The following SLIT3 variants were observed in gnomAD, a reference collection of about 807,000 sequenced individuals.
SLIT3 encodes slit guidance ligand 3, also known as slit homolog 3 protein.
SLIT3 carries 68 observed loss-of-function variants against 184.0 expected under a neutral mutation model. That is an observed-to-expected ratio of 0.37 (90% CI 0.30 to 0.45). The LOEUF (loss-of-function observed/expected upper bound fraction) is 0.45, where lower values mean the gene tolerates loss of function less well. Among genes scored for constraint, SLIT3 ranks in the 20% least tolerant of loss-of-function variants. The probability of loss-of-function intolerance (pLI) is 1.00; values close to 1 mark genes in which losing one functional copy is unlikely to be tolerated. For missense variants in SLIT3, 1,707 were observed against 2,026.0 expected, an observed-to-expected ratio of 0.84 and a Z score of 3.02; for synonymous variants, 831 against 828.6, an observed-to-expected ratio of 1.00 and a Z score of -0.05.
At chr5:168,843,583 A>T (rs1169403723) in intron 6 of SLIT3, among the ~76,000 whole-genome samples, 1 of 152,184 alleles carries the variant, frequency 6.6e-6, no homozygotes, top group Non-Finnish European at 1.5e-5. Flanking sequence ...TTTACAAATG[A>T]GGAAACTGAG....
intron 23 of SLIT3, among the ~76,000 whole-genome samples, chr5:168,716,791 G>A (rs1649085135): frequency 6.6e-6 from 1 of 151,444 alleles, no homozygotes. Flanking sequence ...GCTCCCTCCA[G>A]TCTGAAATGG....
chr5:168,739,687 C>T (rs1464666344), intron 20 of SLIT3, among the ~76,000 whole-genome samples: 1 of 152,110 alleles, frequency 6.6e-6, no homozygotes, highest in African/African-American at 2.4e-5. Flanking sequence ...CTCAGCTGAT[C>T]CACCCACCTC....
intron 20 of SLIT3, among the ~76,000 whole-genome samples, chr5:168,738,212 A>T (rs1165314361): frequency 6.6e-6 from 1 of 152,208 alleles, no homozygotes; most frequent in Non-Finnish European, 1.5e-5. Context: ...CCCTGTGTTG[A>T]CATTTGCACT....
At chr5:168,945,675 A>G (rs771419934) in intron 4 of SLIT3, among the ~76,000 whole-genome samples, 19 of 152,234 alleles carry the variant, frequency 1.2e-4, no homozygotes, top group Non-Finnish European at 2.1e-4. Flanking sequence ...TATTCCAAAT[A>G]TATCAACACT....
intron 4 of SLIT3, among the ~76,000 whole-genome samples, chr5:168,918,965 T>A (rs1441189578): frequency 6.6e-6 from 1 of 152,174 alleles, no homozygotes; most frequent in Admixed American, 6.5e-5. Context: ...CTTCTGGAGA[T>A]TTTATCCTAT....
chr5:169,172,201 G>C (rs1274343759), intron 4 of SLIT3, among the ~76,000 whole-genome samples: 2 of 152,178 alleles, frequency 1.3e-5, no homozygotes, highest in Non-Finnish European at 1.5e-5. Flanking sequence ...CCACAGAATT[G>C]CCAACCTGCA....
intron 10 of SLIT3, among the ~76,000 whole-genome samples, chr5:168,794,813 C>T (rs556465195): frequency 1.3e-5 from 2 of 152,290 alleles, no homozygotes; most frequent in East Asian, 3.9e-4. Context: ...AGGCCTTTCA[C>T]TTGCTTTTCC....
At chr5:168,841,269 C>T (rs1758237406) in intron 6 of SLIT3, among the ~76,000 whole-genome samples, 1 of 152,136 alleles carries the variant, frequency 6.6e-6, no homozygotes, top group South Asian at 2.1e-4. Flanking sequence ...TTTGTAAAAG[C>T]AGGGTGAGGG....
intron 4 of SLIT3, among the ~76,000 whole-genome samples, chr5:169,162,225 C>G (rs1762503749): frequency 6.6e-6 from 1 of 152,156 alleles, no homozygotes; most frequent in Non-Finnish European, 1.5e-5. Flanking sequence ...CCAAGACCAG[C>G]TGGGATCTTG....
rs775828896 is a variant in SLIT3 at position 168,785,944 on chromosome 5, T to C, written c.1114A>G (p.Lys372Glu). 6.2e-7 allele frequency: 1 copy of C among 1,612,810 alleles called. No individual in the cohort carries two copies. Among genetic ancestry groups the C allele is most frequent in the Admixed American group, 1.7e-5 (1 of 59,978 alleles). ...LYGNKITEIV[K>E]GLFDGLVSLQ... Reference sequence around the variant, plus strand: ...GACACCAGCCCATCAAACAGTCCCTTGACAATCTCGGTGATCTTGTTCCCA... The same window carrying C: ...GACACCAGCCCATCAAACAGTCCCTCGACAATCTCGGTGATCTTGTTCCCA... Residue 372 changes from lysine (K) to glutamate (E), a missense_variant, in exon 12 of 36, where the codon AAG becomes GAG. This residue lies in a region of SLIT3 where 1,307 missense variants were observed against 1,511.6 expected (regional missense o/e 0.86). Coordinates refer to ENST00000519560, the MANE Select transcript of SLIT3 (RefSeq NM_003062.4).
rs199801858 is a variant in SLIT3, at chr5:168,685,677, C to T, written c.3555+10G>A. On this transcript the variant is annotated intron_variant, in intron 31 of 35. Coordinates refer to ENST00000519560, the MANE Select transcript of SLIT3 (RefSeq NM_003062.4). ...AGGTCCTTCCAAGGGCAGGGCAGGG[C>T]GGGACACACCTGCAGGGAGATGTTG... 1.3e-4 allele frequency: 203 copies of T among 1,540,034 alleles called. No individual in the cohort carries two copies. In the African/African-American group the frequency reaches 2.0e-3, roughly 15 times the overall value.
chr5:168,715,040 T>C (rs1762676055), intron 23 of SLIT3, among the ~76,000 whole-genome samples: 2 of 152,096 alleles, frequency 1.3e-5, no homozygotes, highest in South Asian at 4.1e-4. Flanking sequence ...CTATCCTCAT[T>C]CTAAATGTGG....
chr5:168,730,767 C>T (rs755341370), intron 20 of SLIT3, among the ~76,000 whole-genome samples: 2 of 151,814 alleles, frequency 1.3e-5, no homozygotes, highest in Non-Finnish European at 2.9e-5. Flanking sequence ...ACCTACCTCA[C>T]AAAGGTAGAA....
At chr5:168,964,540 A>C (rs557327671) in intron 4 of SLIT3, among the ~76,000 whole-genome samples, 1 of 152,244 alleles carries the variant, frequency 6.6e-6, no homozygotes, top group Non-Finnish European at 1.5e-5. Context: ...AAGCTGGACA[A>C]AAGGTAAGAA....
At chr5:168,676,727 A>AGG (rs113161894) in intron 32 of SLIT3, among the ~76,000 whole-genome samples, 1 of 73,258 alleles carries the variant, frequency 1.4e-5, no homozygotes, top group African/African-American at 8.0e-5. Flanking sequence ...GTGTGTCAAC[A>AGG]TGCTGGACAG....
chr5:169,267,174 G>T (rs192842844), intron 1 of SLIT3, among the ~76,000 whole-genome samples: 168 of 152,192 alleles, frequency 1.1e-3, no homozygotes, highest in Non-Finnish European at 9.1e-4. Context: ...GGCACAGGGA[G>T]ATTAAGACAC....
At chr5:168,901,388 C>CAAAACAAAAG (rs1398048611) in intron 4 of SLIT3, among the ~76,000 whole-genome samples, 1 of 151,592 alleles carries the variant, frequency 6.6e-6, no homozygotes, top group Non-Finnish European at 1.5e-5. Flanking sequence ...CAAAACAAAA[C>CAAAACAAAAG]AAAACAAAAT....
chr5:169,177,579 G>A (rs1016803591), intron 4 of SLIT3, among the ~76,000 whole-genome samples: 31 of 152,162 alleles, frequency 2.0e-4, no homozygotes, highest in Non-Finnish European at 4.1e-4. Flanking sequence ...CACCAGGAAA[G>A]CCTGGTCAGG....
chr5:169,267,200 A>G (rs1485427857), intron 1 of SLIT3, among the ~76,000 whole-genome samples: 1 of 152,222 alleles, frequency 6.6e-6, no homozygotes, highest in Non-Finnish European at 1.5e-5. Flanking sequence ...TATGGTCACA[A>G]GCTGAGAAGT....
Sources: allele counts gnomAD v4.1 joint callset (sites outside exome capture counted in the v4.1 genomes callset), GRCh38; gene constraint gnomAD v4.1.1; regional missense constraint gnomAD v4.1.1; transcripts MANE v1.5; gene names NCBI Gene and HGNC (gene_info 2026-07-23, HGNC 2026-07-21).